The following PWWP2B variants were observed in gnomAD, a reference collection of about 807,000 sequenced individuals.
PWWP2B encodes PWWP domain-containing protein 2B.
A neutral mutation model predicts 15.5 loss-of-function variants in PWWP2B; 9 were observed. That is an observed-to-expected ratio of 0.58 (90% CI 0.35 to 1.02). The LOEUF is 1.02. Ranked by LOEUF, PWWP2B falls within the 50% of genes least tolerant of loss-of-function variation. The probability of loss-of-function intolerance (pLI) is 0.02; values close to 1 mark genes in which losing one functional copy is unlikely to be tolerated. For synonymous variants in PWWP2B, 474 were observed against 403.6 expected (o/e 1.17, Z -2.09); for missense variants, 864 against 865.3 (o/e 1.00, Z 0.02).
intron 2 of PWWP2B, among the ~76,000 whole-genome samples, chr10:132,415,330 C>CCCA (rs1554908504): frequency 2.9e-5 from 4 of 137,322 alleles, no homozygotes; most frequent in African/African-American, 1.0e-4. Flanking sequence ...ACACACCCCC[C>CCCA]CACACACATA....
chr10:132,406,321 C>G (rs2069698249), intron 2 of PWWP2B, 32 bp downstream of exon 2: 7 of 1,543,382 alleles, frequency 4.5e-6, no homozygotes, highest in Non-Finnish European at 6.2e-6. Context: ...TCCTTCCCCC[C>G]AGCGGCCCAA....
rs1340732303 is a variant in PWWP2B at position 132,405,679 on chromosome 10, C to G, written c.1179C>G (p.Ser393Arg). The G allele has an allele frequency of 2.5e-6, 4 of 1,612,288 alleles. No individual in the cohort carries two copies. The highest frequency in any genetic ancestry group is 1.3e-5 in the African/African-American group (1 of 74,942). The stretch of plus-strand genomic sequence containing the variant: ...CGGGTGAGGACGATGACTTCAAGAG[C>G]TGTCCCCAGGGTCCACAGGGACGCG... ...GSSGEDDDFK[S>R]CPQGPQGREG... is the part of the protein sequence containing the mutation. The change falls in exon 2 of 3, where the codon AGC becomes AGG. Residue 393 changes from serine (S) to arginine (R), a missense_variant. Around this residue, in one of 2 missense-constraint regions of PWWP2B, gnomAD observed 736 missense variants for 687.7 expected, o/e 1.07. Transcript: ENST00000305233.
chr10:132,405,298 G>T lies in PWWP2B; in HGVS notation c.798G>T (p.Val266=), dbSNP rs76160300. Residue 266 remains valine, a synonymous_variant, in exon 2 of 3, where the codon GTG becomes GTT. Transcript: ENST00000305233. Reference sequence around the variant, plus strand: ...GCACGCCCCAGGGCAAGGGAGAGGTGGTCAAGATCCCCTCCCGCGTGCACG... The same window carrying T: ...GCACGCCCCAGGGCAAGGGAGAGGTTGTCAAGATCCCCTCCCGCGTGCACG... ...SYSTPQGKGE[V]VKIPSRVHGS... 1.4e-3 allele frequency: 2,267 copies of T among 1,612,158 alleles called. 38 individuals are homozygous for T. In the African/African-American group the frequency reaches 0.027, roughly 19 times the overall value.
Position 132,417,842 on chromosome 10 carries a change from AG to A in PWWP2B, c.*799del, listed in dbSNP as rs2069883444. 1 of 152,288 alleles carries A rather than the reference AG, an allele frequency of 6.6e-6. No individual in the cohort carries two copies. Among genetic ancestry groups the A allele is most frequent in the African/African-American group, 2.4e-5 (1 of 41,484 alleles). The allele number at this position is 152,288 out of a possible 1,614,324, so 9.4% of individuals were successfully genotyped here. A position where few individuals can be genotyped will look rare whatever the true frequency, so the allele number is the denominator to read the frequency against. On this transcript the variant is annotated 3_prime_UTR_variant, in exon 3 of 3. Transcript: ENST00000305233. ...TCACTTTAAAGACCAAAAAGAATAA[AG>A]AAAGAAAAGAAAAAAATTAATCTGC...
intron 1 of PWWP2B, 26 bp from the exon 2 acceptor site, chr10:132,404,600 T>C: frequency 1.9e-6 from 3 of 1,599,010 alleles, no homozygotes; most frequent in Non-Finnish European, 2.6e-6. Flanking sequence ...CCCTTCTCAC[T>C]GTGGTTTCTC....
intron 2 of PWWP2B, 131 bp downstream of exon 2, chr10:132,406,420 GC>G: frequency 2.6e-6 from 2 of 759,060 alleles, no homozygotes; most frequent in Non-Finnish European, 4.1e-6. Context: ...CTTGCTTGGG[GC>G]CCCAGCCGTC....
chr10:132,399,512 G>C (rs1053281283), intron 1 of PWWP2B, among the ~76,000 whole-genome samples: 8 of 152,292 alleles, frequency 5.3e-5, no homozygotes, highest in African/African-American at 1.9e-4. Context: ...AAGCAGAGGG[G>C]AGAGGGGCTT....
chr10:132,401,029 C>T (rs531965483), intron 1 of PWWP2B, among the ~76,000 whole-genome samples: 25 of 152,348 alleles, frequency 1.6e-4, no homozygotes, highest in African/African-American at 5.8e-4. Context: ...GCCATGGTCC[C>T]GGGCAGACCT....
rs1215843600 is a variant in PWWP2B, at chr10:132,405,584, C to T, written c.1084C>T (p.Arg362Trp). 1.7e-5 allele frequency: 28 copies of T among 1,609,346 alleles called. No individual in the cohort carries two copies. Among genetic ancestry groups the T allele is most frequent in the East Asian group, 4.5e-5 (2 of 44,874 alleles). The change falls in exon 2 of 3, where the codon CGG (arginine) becomes TGG (tryptophan). Residue 362 changes from arginine to tryptophan, a missense_variant. Arg to Trp is a moderately radical substitution (Grantham distance 101). Coordinates refer to ENST00000305233, the MANE Select transcript of PWWP2B (RefSeq NM_138499.4). ...GGTGGGGGAGCTGAACGGGTACCTG[C>T]GGGACAGCTCGCCGGCGCCCTGTGC... ...ELVGELNGYL[R>W]DSSPAPCADG...
chr10:132,397,475 T>A, intron 1 of PWWP2B, 124 bp downstream of exon 1: 1 of 963,860 alleles, frequency 1.0e-6, no homozygotes, highest in Non-Finnish European at 1.3e-6. Flanking sequence ...GCTTTCGGTT[T>A]CTGCCGAGCC....
At chr10:132,402,899 G>A (rs946239167) in intron 1 of PWWP2B, among the ~76,000 whole-genome samples, 6 of 152,258 alleles carry the variant, frequency 3.9e-5, no homozygotes, top group African/African-American at 1.4e-4. Context: ...ACGCTGGAGC[G>A]GCCAGGTGTG....
chr10:132,417,153 C>T lies in PWWP2B; in HGVS notation c.*109C>T. 6.4e-7 allele frequency: 1 copy of T among 1,552,478 alleles called. No individual in the cohort carries two copies. ...CTTCTGGCCGGCTGCGTGCAGAGCC[C>T]ACTGGGCACGGTGGTCGGCCTGGTG... On this transcript the variant is annotated 3_prime_UTR_variant, in exon 3 of 3. Coordinates refer to ENST00000305233, the MANE Select transcript of PWWP2B (RefSeq NM_138499.4).
intron 2 of PWWP2B, among the ~76,000 whole-genome samples, chr10:132,415,680 TATC>T (rs2069842965): frequency 9.6e-6 from 1 of 104,488 alleles, no homozygotes; most frequent in African/African-American, 4.0e-5. Flanking sequence ...CACACACACA[TATC>T]CACACACACA....
chr10:132,408,962 C>T (rs1193018128), intron 2 of PWWP2B, among the ~76,000 whole-genome samples: 2 of 152,220 alleles, frequency 1.3e-5, no homozygotes, highest in Non-Finnish European at 2.9e-5. Flanking sequence ...ATGGCTGTGA[C>T]ACACTTGGGC....
At position 132,417,480 on chromosome 10, in the gene PWWP2B, C is replaced by T. The variant is rs1296962712; in HGVS notation, c.*436C>T. The stretch of plus-strand genomic sequence containing the variant: ...TGGTGTGGGCAGCTGTTCCCTGCCT[C>T]GCAGTGTCCTGGAGGCAGCTGTCTC... On this transcript the variant is annotated 3_prime_UTR_variant, in exon 3 of 3. Transcript: ENST00000305233. The T allele has an allele frequency of 2.0e-5, 5 of 255,650 alleles. No individual in the cohort carries two copies. The South Asian group carries it at 2.1e-4, about 11-fold the overall frequency. 15.8% of individuals were successfully genotyped at this position (255,650 alleles called of 1,614,324 possible).
At chr10:132,409,205 T>C (rs897013976) in intron 2 of PWWP2B, among the ~76,000 whole-genome samples, 2 of 152,250 alleles carry the variant, frequency 1.3e-5, no homozygotes, top group African/African-American at 4.8e-5. Context: ...GTGAATGGCC[T>C]GTGGCCGCTG....
Position 132,417,505 on chromosome 10 carries a change from C to T in PWWP2B, c.*461C>T, listed in dbSNP as rs917882992. 2.7e-5 allele frequency: 5 copies of T among 185,388 alleles called. No individual in the cohort carries two copies. The highest frequency in any genetic ancestry group is 1.2e-4 in the South Asian group (1 of 8,116). The allele number at this position is 185,388 out of a possible 1,614,324, so 11.5% of individuals were successfully genotyped here. A position where few individuals can be genotyped will look rare whatever the true frequency, so the allele number is the denominator to read the frequency against. On this transcript the variant is annotated 3_prime_UTR_variant, in exon 3 of 3. Coordinates refer to ENST00000305233, the MANE Select transcript of PWWP2B (RefSeq NM_138499.4). ...CGCAGTGTCCTGGAGGCAGCTGTCTCGCAGACTCAGCTTGGTCTCCCGCAG... is the reference window on the plus strand; with the variant it reads ...CGCAGTGTCCTGGAGGCAGCTGTCTTGCAGACTCAGCTTGGTCTCCCGCAG...
Position 132,402,990 on chromosome 10 carries a change from G to A in PWWP2B, c.126-1636G>A, listed in dbSNP as rs116978838. Among the ~76,000 whole-genome samples, 799 of 152,330 alleles carry A rather than the reference G, an allele frequency of 5.2e-3. 4 individuals are homozygous for A. Among genetic ancestry groups the A allele is most frequent in the Non-Finnish European group, 8.6e-3 (584 of 68,034 alleles). ...CCTGGCTGGGACTGGTGAGGGCACC[G>A]CCCGGGACTGGCCTCCCTTTCTCGC... On this transcript the variant is annotated intron_variant, in intron 1 of 2. Transcript: ENST00000305233.
At chr10:132,398,916 C>T (rs1003731433) in intron 1 of PWWP2B, among the ~76,000 whole-genome samples, 2 of 151,980 alleles carry the variant, frequency 1.3e-5, no homozygotes, top group Non-Finnish European at 2.9e-5. Context: ...AGAGCAGGCT[C>T]CCCGACCCCC....
Sources: allele counts gnomAD v4.1 joint callset (sites outside exome capture counted in the v4.1 genomes callset), GRCh38; gene constraint gnomAD v4.1.1; regional missense constraint gnomAD v4.1.1; transcripts MANE v1.5; gene names NCBI Gene and HGNC (gene_info 2026-07-23, HGNC 2026-07-21).